SCN9A: variants seen among roughly 807,000 people sequenced by gnomAD.
SCN9A encodes sodium voltage-gated channel alpha subunit 9.
Under a neutral mutation model 187.0 loss-of-function variants are expected in SCN9A, and 131 were observed. The observed-to-expected ratio is 0.70, with a 90% CI of 0.61 to 0.81. The LOEUF (loss-of-function observed/expected upper bound fraction) is 0.81, where lower values mean the gene tolerates loss of function less well. SCN9A is among the 30% of genes least tolerant of loss of function. The probability of loss-of-function intolerance (pLI) is 0.00; values close to 1 mark genes in which losing one functional copy is unlikely to be tolerated. For synonymous variants in SCN9A, 809 were observed against 808.6 expected, an observed-to-expected ratio of 1.00 and a Z score of -0.01; for missense variants, 2,252 against 2,396.6, an observed-to-expected ratio of 0.94 and a Z score of 1.26.
chr2:166,351,120 G>A (rs1009137679), intron 1 of SCN9A, among the ~76,000 whole-genome samples: 12 of 151,912 alleles, frequency 7.9e-5, no homozygotes, highest in African/African-American at 1.2e-4. Flanking sequence ...CTGATTTGGC[G>A]ACACAAAGGC....
chr2:166,245,925 A>G (rs536700911), intron 18 of SCN9A, among the ~76,000 whole-genome samples: 2 of 152,148 alleles, frequency 1.3e-5, no homozygotes, highest in South Asian at 2.1e-4. Context: ...GAATCTTTTC[A>G]TGTTTCTGAA....
At position 166,332,109 on chromosome 2, in the gene SCN9A, C is replaced by T. The variant is rs151064878; in HGVS notation, c.-50-20303G>A. Among the ~76,000 whole-genome samples the T allele has an allele frequency of 4.2e-3, 632 of 152,192 alleles. 5 individuals carry two copies. The highest frequency in any genetic ancestry group is 0.014 in the African/African-American group (600 of 41,538). On this transcript the variant is annotated intron_variant, in intron 1 of 26. Transcript: ENST00000642356. ...AAGCTTATTCAAATGGATTCTGTTG[C>T]CCTTTACTTTGAACTTGGTGAATGA...
At chr2:166,222,111 A>G (rs745588428) in intron 24 of SCN9A, among the ~76,000 whole-genome samples, 7 of 152,194 alleles carry the variant, frequency 4.6e-5, no homozygotes, top group Admixed American at 1.3e-4. Flanking sequence ...AAAATAGACA[A>G]TTGAGACCAT....
At chr2:166,290,585 C>T (rs1429907246) in intron 9 of SCN9A, among the ~76,000 whole-genome samples, 1 of 152,044 alleles carries the variant, frequency 6.6e-6, no homozygotes, top group Non-Finnish European at 1.5e-5. Flanking sequence ...TCTATTGTTT[C>T]TCAACTTTTT....
chr2:166,213,274 A>G (rs1694173514), intron 24 of SCN9A, among the ~76,000 whole-genome samples: 1 of 151,576 alleles, frequency 6.6e-6, no homozygotes. Flanking sequence ...AATATGTAAA[A>G]CCAGAAATGA....
In SCN9A at chr2:166,198,012, G is replaced by A. The variant is rs987960156; in HGVS notation, c.*660C>T. ...GTAAGTCTTATCCTTGTTGGCATGT[G>A]AGTCAAGATGAATGAAAAACATTTG... On this transcript the variant is annotated 3_prime_UTR_variant, in exon 27 of 27. Coordinates refer to ENST00000642356, the MANE Select transcript of SCN9A (RefSeq NM_001365536.1). 1 of 152,114 alleles carries A rather than the reference G, an allele frequency of 6.6e-6. No individual in the cohort carries two copies. The highest frequency in any genetic ancestry group is 1.5e-5 in the Non-Finnish European group (1 of 68,022). The allele number at this position is 152,114 out of a possible 1,614,324, so 9.4% of individuals were successfully genotyped here. A position where few individuals can be genotyped will look rare whatever the true frequency, so the allele number is the denominator to read the frequency against.
rs1378631648 is a variant in SCN9A at position 166,286,541 on chromosome 2, G to T, written c.1397C>A (p.Ser466Tyr). ...TTTAGCACTTTTAGAGCTCAGTTTGGATGTTTCAGAAGAACTCTCTGAGAG... is the reference window on the plus strand; with the variant it reads ...TTTAGCACTTTTAGAGCTCAGTTTGTATGTTTCAGAAGAACTCTCTGAGAG... Reference protein sequence around the residue: ...MGLSESSSETSKLSSKSAKER... With the variant: ...MGLSESSSETYKLSSKSAKER... Residue 466 changes from serine to tyrosine, a missense_variant, in exon 11 of 27, where the codon TCC becomes TAC. This residue lies in a region of SCN9A where 1,013 missense variants were observed against 997.4 expected (regional missense o/e 1.02). Coordinates refer to ENST00000642356, the MANE Select transcript of SCN9A (RefSeq NM_001365536.1). The T allele has an allele frequency of 6.2e-7, 1 of 1,609,998 alleles. No homozygotes were observed. The highest frequency in any genetic ancestry group is 8.5e-7 in the Non-Finnish European group (1 of 1,178,736).
At chr2:166,274,818 A>G (rs1026715904) in intron 16 of SCN9A, among the ~76,000 whole-genome samples, 9 of 152,306 alleles carry the variant, frequency 5.9e-5, no homozygotes, top group Admixed American at 3.9e-4. Flanking sequence ...ACCAGTGTCC[A>G]TGATCAAATA....
chr2:166,273,825 C>A (rs1697110303), intron 16 of SCN9A, among the ~76,000 whole-genome samples: 1 of 152,038 alleles, frequency 6.6e-6, no homozygotes, highest in Admixed American at 6.6e-5. Flanking sequence ...CGAAGTAAGA[C>A]CTAACTGAAG....
chr2:166,321,760 T>C (rs1334561310), intron 1 of SCN9A, among the ~76,000 whole-genome samples: 4 of 151,938 alleles, frequency 2.6e-5, no homozygotes, highest in East Asian at 1.9e-4. Flanking sequence ...ATGTCACTTA[T>C]ATCACTTCAT....
chr2:166,311,915 T>C (rs528807734), intron 1 of SCN9A, 109 bp from the exon 2 acceptor site: 2 of 592,036 alleles, frequency 3.4e-6, no homozygotes, highest in African/African-American at 3.7e-5. Context: ...CTACAAAAGG[T>C]AACATGTTCT....
chr2:166,272,139 C>G (rs1332401214), intron 17 of SCN9A, among the ~76,000 whole-genome samples: 4 of 151,956 alleles, frequency 2.6e-5, no homozygotes, highest in Admixed American at 2.0e-4. Context: ...TGACAGGAAA[C>G]ATGGGATGAA....
intron 9 of SCN9A, among the ~76,000 whole-genome samples, chr2:166,290,140 C>T (rs1559016671): frequency 6.6e-6 from 1 of 151,256 alleles, no homozygotes; most frequent in African/African-American, 2.4e-5. Flanking sequence ...TTGTTCAACT[C>T]CCACTTATGA....
chr2:166,293,424 A>C, intron 8 of SCN9A, 52 bp from the exon 9 acceptor site: 1 of 1,461,586 alleles, frequency 6.8e-7, no homozygotes, highest in Non-Finnish European at 9.2e-7. Context: ...GACACAAGCT[A>C]AATAGCCTTA....
At chr2:166,296,246 A>G (rs1025589275) in intron 7 of SCN9A, 1 of 152,162 alleles carries the variant, frequency 6.6e-6, no homozygotes, top group Non-Finnish European at 1.5e-5. Flanking sequence ...CATGTAAACC[A>G]CTTGATACTG....
Position 166,198,869 on chromosome 2 carries a change from C to G in SCN9A, c.5770G>C (p.Asp1924His). The G allele has an allele frequency of 1.9e-6, 3 of 1,613,778 alleles. No individual in the cohort carries two copies. The highest frequency in any genetic ancestry group is 2.5e-6 in the Non-Finnish European group (3 of 1,179,736). ...SIYIKDGDRD[D>H]DLLNKKDMAF... is the part of the protein sequence containing the mutation. The stretch of plus-strand genomic sequence containing the variant: ...ATATCTTTTTTATTGAGTAAATCAT[C>G]ATCTCTGTCTCCATCTTTTATGTAT... The change falls in exon 27 of 27, where the codon GAT (aspartate) becomes CAT (histidine). Residue 1924 changes from aspartate (D) to histidine (H), a missense_variant. Transcript: ENST00000642356.
chr2:166,282,608 A>C (rs1201427286), intron 12 of SCN9A, among the ~76,000 whole-genome samples: 1 of 152,118 alleles, frequency 6.6e-6, no homozygotes, highest in Non-Finnish European at 1.5e-5. Context: ...ACAAACAACT[A>C]TACAACTCTA....
At chr2:166,260,187 A>G (rs4493273) in intron 17 of SCN9A, among the ~76,000 whole-genome samples, 120,655 of 151,846 alleles carry the variant, frequency 0.79, 48,529 homozygotes, top group Non-Finnish European at 0.85. Context: ...GGAACTGCAA[A>G]TATTGAAACA....
At chr2:166,334,969 T>A (rs1699592560) in intron 1 of SCN9A, among the ~76,000 whole-genome samples, 1 of 152,126 alleles carries the variant, frequency 6.6e-6, no homozygotes, top group South Asian at 2.1e-4. Flanking sequence ...CATACATCTA[T>A]TTGCTTAGCT....
Sources: allele counts gnomAD v4.1 joint callset (sites outside exome capture counted in the v4.1 genomes callset), GRCh38; gene constraint gnomAD v4.1.1; regional missense constraint gnomAD v4.1.1; transcripts MANE v1.5; gene names NCBI Gene and HGNC (gene_info 2026-07-23, HGNC 2026-07-21).